RARB: variants seen among roughly 807,000 people sequenced by gnomAD.
The protein encoded by RARB is retinoic acid receptor beta.
Under a neutral mutation model 51.9 loss-of-function variants are expected in RARB, and 17 were observed. The observed-to-expected ratio is 0.33, with a 90% confidence interval of 0.22 to 0.49. The LOEUF is 0.49. RARB is among the 20% of genes least tolerant of loss of function. The probability of loss-of-function intolerance (pLI) is 0.99; values close to 1 mark genes in which losing one functional copy is unlikely to be tolerated. For synonymous variants in RARB, 215 were observed against 195.4 expected, an observed-to-expected ratio of 1.10 and a Z score of -0.84; for missense variants, 369 against 550.8, an observed-to-expected ratio of 0.67 and a Z score of 3.30.
chr3:25,203,368 G>T (rs1017530572), intron 5 of RARB, among the ~76,000 whole-genome samples: 3 of 152,114 alleles, frequency 2.0e-5, no homozygotes, highest in Admixed American at 2.0e-4. Flanking sequence ...ACACTGACAG[G>T]TCTTGACTCT....
At chr3:25,075,704 G>A (rs1348746499) in intron 3 of RARB, among the ~76,000 whole-genome samples, 3 of 151,014 alleles carry the variant, frequency 2.0e-5, no homozygotes, top group African/African-American at 4.9e-5. Flanking sequence ...AAAAGCAAAT[G>A]ACTATGACAT....
intron 2 of RARB, among the ~76,000 whole-genome samples, chr3:25,465,672 T>C (rs1413754460): frequency 6.6e-6 from 1 of 152,186 alleles, no homozygotes; most frequent in African/African-American, 2.4e-5. Flanking sequence ...AGCATTACCA[T>C]GGCAGTATAA....
At position 25,170,480 on chromosome 3, in the gene RARB, G is replaced by C. The variant is rs148821402; in HGVS notation, c.-279-3639G>C. On this transcript the variant is annotated intron_variant, in intron 4 of 11. Transcript: ENST00000383772. ...CCTGGAGAATTTGCATTTTTAACCA[G>C]TTTGCTGGTGATGCTGATGTTGCCA... Among the ~76,000 whole-genome samples, 314 of 152,234 alleles carry C rather than the reference G, an allele frequency of 2.1e-3. 2 individuals carry two copies. Among genetic ancestry groups the C allele is most frequent in the African/African-American group, 7.2e-3 (297 of 41,534 alleles).
chr3:25,350,731 T>C (rs1218974093), intron 5 of RARB, among the ~76,000 whole-genome samples: 2 of 152,194 alleles, frequency 1.3e-5, no homozygotes, highest in Non-Finnish European at 2.9e-5. Flanking sequence ...GCATGAATGA[T>C]TATATAAATT....
chr3:25,367,252 T>C (rs1706149751), intron 5 of RARB, among the ~76,000 whole-genome samples: 1 of 152,182 alleles, frequency 6.6e-6, no homozygotes, highest in African/African-American at 2.4e-5. Context: ...TTCCAGGCTA[T>C]GGTAGCATTT....
intron 2 of RARB, among the ~76,000 whole-genome samples, chr3:24,935,986 CTT>C: frequency 6.6e-6 from 1 of 152,136 alleles, no homozygotes; most frequent in East Asian, 1.9e-4. Context: ...AAATCGAAAA[CTT>C]AATTTGAGGG....
chr3:24,905,156 C>A (rs958063030), intron 2 of RARB, among the ~76,000 whole-genome samples: 1 of 152,076 alleles, frequency 6.6e-6, no homozygotes, highest in Non-Finnish European at 1.5e-5. Context: ...TAACCAAAGC[C>A]TTTACCACAG....
intron 5 of RARB, among the ~76,000 whole-genome samples, chr3:25,229,811 G>T (rs1043976871): frequency 6.6e-6 from 1 of 151,228 alleles, no homozygotes; most frequent in African/African-American, 2.4e-5. Flanking sequence ...CTTCTTAATG[G>T]CTTCAGCACA....
chr3:24,845,739 C>T (rs901456853), intron 1 of RARB, among the ~76,000 whole-genome samples: 2 of 151,860 alleles, frequency 1.3e-5, no homozygotes, highest in Non-Finnish European at 2.9e-5. Context: ...AGAGTCAGTT[C>T]TCTGCAGCAG....
intron 2 of RARB, among the ~76,000 whole-genome samples, chr3:24,937,876 T>C (rs1187019945): frequency 1.3e-5 from 2 of 151,922 alleles, no homozygotes; most frequent in African/African-American, 4.8e-5. Context: ...TTTTGAGAAA[T>C]CCGGAAAAAA....
At chr3:24,982,167 C>G (rs1431338646) in intron 2 of RARB, among the ~76,000 whole-genome samples, 1 of 152,216 alleles carries the variant, frequency 6.6e-6, no homozygotes, top group Non-Finnish European at 1.5e-5. Context: ...TGGGCACTCT[C>G]TCAGCTTGGT....
At chr3:24,952,093 C>T (rs1255012091) in intron 2 of RARB, among the ~76,000 whole-genome samples, 1 of 152,122 alleles carries the variant, frequency 6.6e-6, no homozygotes, top group African/African-American at 2.4e-5. Context: ...GTAACATTTG[C>T]AGCTGGGTGC....
chr3:24,900,295 A>C (rs1455480320), intron 2 of RARB, among the ~76,000 whole-genome samples: 2 of 152,114 alleles, frequency 1.3e-5, no homozygotes, highest in Non-Finnish European at 2.9e-5. Context: ...GTAAAAAAAA[A>C]TTAGGATAAA....
chr3:25,372,772 G>A (rs1706339757), intron 5 of RARB, among the ~76,000 whole-genome samples: 1 of 152,208 alleles, frequency 6.6e-6, no homozygotes, highest in South Asian at 2.1e-4. Context: ...GTTGCAGTGA[G>A]CTGTGATCAT....
At chr3:25,556,840 C>T (rs1275093450) in intron 3 of RARB, among the ~76,000 whole-genome samples, 1 of 152,192 alleles carries the variant, frequency 6.6e-6, no homozygotes, top group East Asian at 1.9e-4. Context: ...GGGTCACACA[C>T]CACAGCCCTA....
At chr3:25,415,122 T>G (rs1707667816) in intron 5 of RARB, among the ~76,000 whole-genome samples, 1 of 152,102 alleles carries the variant, frequency 6.6e-6, no homozygotes, top group Admixed American at 6.6e-5. Flanking sequence ...GATTGCGCTT[T>G]GCACTATTTT....
chr3:24,985,245 A>AAT (rs1276219692), intron 2 of RARB, among the ~76,000 whole-genome samples: 1 of 152,170 alleles, frequency 6.6e-6, no homozygotes, highest in Non-Finnish European at 1.5e-5. Flanking sequence ...CATGAAATGG[A>AAT]ATGGGGCATT....
At chr3:25,398,437 G>A (rs1707176242) in intron 5 of RARB, among the ~76,000 whole-genome samples, 1 of 152,164 alleles carries the variant, frequency 6.6e-6, no homozygotes, top group Admixed American at 6.6e-5. Context: ...GTATCACTAA[G>A]ACAAAACAAG....
intron 2 of RARB, among the ~76,000 whole-genome samples, chr3:24,884,461 C>G (rs562766496): frequency 3.3e-5 from 5 of 152,250 alleles, no homozygotes; most frequent in African/African-American, 4.8e-5. Context: ...CAGAGAACAT[C>G]TCCAAACTTC....
Sources: allele counts gnomAD v4.1 joint callset (sites outside exome capture counted in the v4.1 genomes callset), GRCh38; gene constraint gnomAD v4.1.1; transcripts MANE v1.5; gene names NCBI Gene and HGNC (gene_info 2026-07-23, HGNC 2026-07-21).